Variants in HIBCH observed in about 807,000 individuals in gnomAD.
HIBCH encodes 3-hydroxyisobutyryl-CoA hydrolase, mitochondrial.
Under a neutral mutation model 58.2 loss-of-function variants are expected in HIBCH, and 50 were observed. The observed-to-expected ratio is 0.86, with a 90% confidence interval of 0.68 to 1.09. The LOEUF (loss-of-function observed/expected upper bound fraction) is 1.09. HIBCH is among the 50% of genes least tolerant of loss of function. The probability of loss-of-function intolerance (pLI) is 0.00; values close to 1 mark genes in which losing one functional copy is unlikely to be tolerated. For synonymous variants in HIBCH, 151 were observed against 146.9 expected (o/e 1.03, Z -0.20); for missense variants, 450 against 449.7 (o/e 1.00, Z -0.01).
At chr2:190,278,988 C>G (rs909670076) in intron 6 of HIBCH, among the ~76,000 whole-genome samples, 1 of 152,106 alleles carries the variant, frequency 6.6e-6, no homozygotes, top group Non-Finnish European at 1.5e-5. Flanking sequence ...GTATCTGAGA[C>G]TGGGCAATTT....
chr2:190,258,804 T>C (rs1040424388), intron 7 of HIBCH, among the ~76,000 whole-genome samples: 3 of 152,180 alleles, frequency 2.0e-5, no homozygotes, highest in African/African-American at 7.2e-5. Flanking sequence ...AAATATAATA[T>C]GAGGTATGGG....
intron 6 of HIBCH, among the ~76,000 whole-genome samples, chr2:190,277,304 A>G (rs1687579315): frequency 6.6e-6 from 1 of 152,160 alleles, no homozygotes. Context: ...ATACTGTGCT[A>G]CTCTTCATGG....
intron 11 of HIBCH, among the ~76,000 whole-genome samples, chr2:190,234,869 T>G (rs1394968201): frequency 6.6e-6 from 1 of 150,462 alleles, no homozygotes. Context: ...ACGTATGGTG[T>G]GAGAAGCCAG....
At chr2:190,290,739 A>G (rs76687659) in intron 4 of HIBCH, among the ~76,000 whole-genome samples, 1,998 of 152,290 alleles carry the variant, frequency 0.013, 53 homozygotes, top group African/African-American at 0.044. Flanking sequence ...TAGAAATTAT[A>G]GGCTGGGCAT....
chr2:190,292,572 A>G (rs911538983), intron 4 of HIBCH, among the ~76,000 whole-genome samples: 1 of 152,222 alleles, frequency 6.6e-6, no homozygotes, highest in African/African-American at 2.4e-5. Flanking sequence ...CGGCCTCCCA[A>G]AGTGCTGAGA....
chr2:190,193,666 G>A (rs1047718223), intron 1 of HIBCH, among the ~76,000 whole-genome samples: 1 of 151,990 alleles, frequency 6.6e-6, no homozygotes, highest in East Asian at 1.9e-4. Context: ...CCTTTTAAAC[G>A]TATATAGATG....
intron 1 of HIBCH, among the ~76,000 whole-genome samples, chr2:190,194,200 A>G (rs1056086480): frequency 3.3e-5 from 5 of 152,168 alleles, no homozygotes; most frequent in Admixed American, 1.3e-4. Context: ...TATGCACTTG[A>G]TAAGAATATG....
At chr2:190,230,562 G>A (rs1686066518) in intron 11 of HIBCH, among the ~76,000 whole-genome samples, 1 of 152,216 alleles carries the variant, frequency 6.6e-6, no homozygotes, top group Admixed American at 6.5e-5. Context: ...GGGTGTGGTG[G>A]CGCGTGCCTA....
chr2:190,262,061 T>C lies in HIBCH; in HGVS notation c.439-827A>G, dbSNP rs369214702. 4.6e-5 allele frequency among the ~76,000 whole-genome samples: 7 copies of C among 151,730 alleles called. No homozygotes were observed. In the South Asian group the frequency reaches 8.3e-4, roughly 18 times the overall value. On this transcript the variant is annotated intron_variant, in intron 6 of 13. Coordinates refer to ENST00000359678, the MANE Select transcript of HIBCH (RefSeq NM_014362.4). ...CTTAAAACTAAAACACAGTGCACAG[T>C]TGTCAGTCGATGACAGGCAGTGAAG...
intron 2 of HIBCH, among the ~76,000 whole-genome samples, chr2:190,299,217 A>T (rs1168198714): frequency 6.6e-6 from 1 of 152,240 alleles, no homozygotes; most frequent in African/African-American, 2.4e-5. Flanking sequence ...CTAGAAGTAC[A>T]TATTTTGACT....
At chr2:190,314,338 CATATATATGTGT>C (rs745492012) in intron 1 of HIBCH, among the ~76,000 whole-genome samples, 71,767 of 130,320 alleles carry the variant, frequency 0.55, 19,968 homozygotes, top group South Asian at 0.61. Context: ...TGTATATATA[CATATATATGTGT>C]ATATATACGT....
chr2:190,303,604 A>C (rs2124842768), intron 2 of HIBCH, among the ~76,000 whole-genome samples: 1 of 152,334 alleles, frequency 6.6e-6, no homozygotes, highest in East Asian at 1.9e-4. Context: ...AGAAAAAATA[A>C]ATGGAGGAGA....
chr2:190,225,666 T>C (rs1437577453), intron 11 of HIBCH, among the ~76,000 whole-genome samples: 2 of 152,164 alleles, frequency 1.3e-5, no homozygotes, highest in African/African-American at 4.8e-5. Flanking sequence ...ACCAGACGGA[T>C]TCATAGCCGA....
chr2:190,297,627 C>G (rs1688138227), intron 2 of HIBCH, among the ~76,000 whole-genome samples: 1 of 152,144 alleles, frequency 6.6e-6, no homozygotes, highest in Admixed American at 6.5e-5. Flanking sequence ...ATAACTTAAT[C>G]ACCAGGTCTC....
chr2:190,299,568 G>A (rs1688204692), intron 2 of HIBCH, among the ~76,000 whole-genome samples: 1 of 152,104 alleles, frequency 6.6e-6, no homozygotes, highest in African/African-American at 2.4e-5. Flanking sequence ...ACTGGGGAAG[G>A]ATAAACTTAC....
chr2:190,285,373 A>G (rs925992254), intron 6 of HIBCH, among the ~76,000 whole-genome samples: 9 of 152,102 alleles, frequency 5.9e-5, no homozygotes, highest in African/African-American at 1.9e-4. Context: ...TCAATGCTTC[A>G]GATTCTTTCC....
chr2:190,249,884 G>C (rs535204481), intron 8 of HIBCH, among the ~76,000 whole-genome samples, 158 bp from the exon 9 acceptor site: 3 of 152,194 alleles, frequency 2.0e-5, no homozygotes, highest in Non-Finnish European at 2.9e-5. Flanking sequence ...TAAGTTGAAT[G>C]AACAGGTATT....
intron 11 of HIBCH, among the ~76,000 whole-genome samples, chr2:190,230,504 G>C (rs1288720631): frequency 2.6e-5 from 4 of 152,204 alleles, no homozygotes; most frequent in Non-Finnish European, 5.9e-5. Flanking sequence ...AAACCAGCCT[G>C]GCCAATAAGG....
rs1156955954 is a variant in HIBCH, at chr2:190,204,642, A to T, written c.*475T>A. On this transcript the variant is annotated 3_prime_UTR_variant, in exon 14 of 14. Transcript: ENST00000359678. ...GAGGCATTAACACAGTATCCAAAAC[A>T]ATTTTCAGGGTCTTTATTTTTTATA... is the stretch of plus-strand genomic sequence containing the variant. 1 of 167,682 alleles carries T rather than the reference A, an allele frequency of 6.0e-6. No homozygotes were observed. The highest frequency in any genetic ancestry group is 1.3e-5 in the Non-Finnish European group (1 of 77,528). 10.4% of individuals were successfully genotyped at this position (167,682 alleles called of 1,614,324 possible).
Sources: gnomAD v4.1 joint callset for allele counts (sites outside exome capture counted in the v4.1 genomes callset) on GRCh38, gnomAD v4.1.1 for gene constraint, MANE v1.5 for transcripts, NCBI Gene and HGNC (gene_info 2026-07-23, HGNC 2026-07-21) for gene names.